SYT1: variants seen among roughly 807,000 people sequenced by gnomAD.
SYT1 encodes the protein synaptotagmin 1.
In SYT1, 8 loss-of-function variants were observed where a neutral mutation model predicts 44.8. The observed-to-expected ratio is 0.18, with a 90% CI of 0.10 to 0.32. SYT1 has a LOEUF of 0.32. Ranked by LOEUF, SYT1 falls within the 10% of genes least tolerant of loss-of-function variation. The probability of loss-of-function intolerance (pLI) is 1.00; values close to 1 mark genes in which losing one functional copy is unlikely to be tolerated. For missense variants in SYT1, 286 were observed against 509.3 expected, an observed-to-expected ratio of 0.56 and a Z score of 4.22; for synonymous variants, 154 against 188.8, an observed-to-expected ratio of 0.82 and a Z score of 1.51.
At chr12:78,920,210 G>A (rs189709438) in intron 1 of SYT1, among the ~76,000 whole-genome samples, 2 of 151,978 alleles carry the variant, frequency 1.3e-5, no homozygotes, top group East Asian at 1.9e-4. Context: ...CTATAATTAG[G>A]TTAATAATGT....
intron 1 of SYT1, among the ~76,000 whole-genome samples, chr12:78,961,537 T>C (rs1403884448): frequency 6.6e-6 from 1 of 152,134 alleles, no homozygotes; most frequent in East Asian, 1.9e-4. Flanking sequence ...TTTTTGTCTT[T>C]GTAGAAGGAG....
intron 3 of SYT1, among the ~76,000 whole-genome samples, chr12:79,211,979 G>A (rs1874487067): frequency 6.6e-6 from 1 of 152,124 alleles, no homozygotes; most frequent in Non-Finnish European, 1.5e-5. Flanking sequence ...TTAATTTGCA[G>A]TTCTTTATTT....
intron 9 of SYT1, among the ~76,000 whole-genome samples, chr12:79,421,736 G>T (rs996430166): frequency 1.3e-4 from 19 of 150,940 alleles, no homozygotes. Flanking sequence ...TGTTGGTGGT[G>T]GTGGGTGTTT....
intron 9 of SYT1, among the ~76,000 whole-genome samples, chr12:79,374,441 A>G (rs1883912873): frequency 6.6e-6 from 1 of 152,246 alleles, no homozygotes; most frequent in Non-Finnish European, 1.5e-5. Flanking sequence ...CCAGAAGGAC[A>G]GATCATTGTT....
At chr12:78,917,777 C>T (rs1018583844) in intron 1 of SYT1, among the ~76,000 whole-genome samples, 4 of 151,880 alleles carry the variant, frequency 2.6e-5, no homozygotes, top group African/African-American at 4.8e-5. Context: ...TTAAGGTTGA[C>T]GAGAATTGGG....
chr12:79,276,011 A>G (rs1274532264), intron 4 of SYT1, among the ~76,000 whole-genome samples: 1 of 152,200 alleles, frequency 6.6e-6, no homozygotes, highest in Non-Finnish European at 1.5e-5. Flanking sequence ...ACCCAGAGCC[A>G]AAGCTAGTCA....
At chr12:79,130,633 C>G (rs1343917611) in intron 3 of SYT1, among the ~76,000 whole-genome samples, 2 of 152,216 alleles carry the variant, frequency 1.3e-5, no homozygotes, top group African/African-American at 4.8e-5. Flanking sequence ...TCAGTTCTAA[C>G]TTCAACCCAT....
intron 4 of SYT1, among the ~76,000 whole-genome samples, chr12:79,282,827 A>C (rs974436816): frequency 5.9e-5 from 9 of 151,978 alleles, no homozygotes; most frequent in Non-Finnish European, 1.2e-4. Context: ...GCTGCAAAGA[A>C]TAAATAAGAT....
chr12:79,198,040 A>G (rs888713778), intron 3 of SYT1, among the ~76,000 whole-genome samples: 3 of 152,182 alleles, frequency 2.0e-5, no homozygotes, highest in Non-Finnish European at 4.4e-5. Context: ...AACAGAAAAG[A>G]ATTCACATTA....
intron 9 of SYT1, among the ~76,000 whole-genome samples, chr12:79,354,228 A>T (rs1027349731): frequency 2.0e-5 from 3 of 152,234 alleles, no homozygotes; most frequent in Admixed American, 1.3e-4. Flanking sequence ...ACCCTGGCTC[A>T]AAAGCAAAGT....
intron 1 of SYT1, among the ~76,000 whole-genome samples, chr12:78,869,797 C>G (rs543803413): frequency 6.6e-6 from 1 of 152,068 alleles, no homozygotes; most frequent in South Asian, 2.1e-4. Context: ...GCCTTAAGTT[C>G]TGATTGCTGA....
chr12:78,917,180 C>T (rs1402190516), intron 1 of SYT1, among the ~76,000 whole-genome samples: 1 of 152,020 alleles, frequency 6.6e-6, no homozygotes, highest in East Asian at 1.9e-4. Flanking sequence ...ACCAATAGCT[C>T]AATCCCTTGT....
At chr12:79,409,980 G>A (rs917648884) in intron 9 of SYT1, among the ~76,000 whole-genome samples, 9 of 152,044 alleles carry the variant, frequency 5.9e-5, no homozygotes, top group African/African-American at 2.2e-4. Context: ...ACTTTTGGGG[G>A]TGGGAGGAAT....
intron 8 of SYT1, among the ~76,000 whole-genome samples, chr12:79,330,676 A>G (rs568453115): frequency 9.8e-5 from 15 of 152,320 alleles, no homozygotes; most frequent in Admixed American, 2.0e-4. Flanking sequence ...GTTGACATTG[A>G]CTAACATTTA....
intron 3 of SYT1, among the ~76,000 whole-genome samples, chr12:79,115,557 A>C (rs1879232267): frequency 6.6e-6 from 1 of 152,180 alleles, no homozygotes; most frequent in African/African-American, 2.4e-5. Flanking sequence ...CTACCTAGAC[A>C]AATTTTTAAC....
At chr12:79,263,519 T>C (rs79056715) in intron 4 of SYT1, among the ~76,000 whole-genome samples, 1,672 of 152,148 alleles carry the variant, frequency 0.011, 30 homozygotes, top group African/African-American at 0.037. Context: ...TCTACTGTAG[T>C]TTTTCAAAAA....
At chr12:79,176,289 C>CAAA (rs11389898) in intron 3 of SYT1, among the ~76,000 whole-genome samples, 2 of 139,222 alleles carry the variant, frequency 1.4e-5, no homozygotes, top group Non-Finnish European at 3.1e-5. Flanking sequence ...AATTCTGTCT[C>CAAA]AAAAAAAAAA....
intron 3 of SYT1, among the ~76,000 whole-genome samples, chr12:79,057,399 A>G (rs924692088): frequency 1.3e-5 from 2 of 151,766 alleles, no homozygotes; most frequent in African/African-American, 4.9e-5. Context: ...TCTAACTCAT[A>G]TGACCCCCCC....
chr12:79,244,958 T>C (rs1319343648), intron 4 of SYT1, among the ~76,000 whole-genome samples: 1 of 152,114 alleles, frequency 6.6e-6, no homozygotes, highest in Admixed American at 6.5e-5. Context: ...TCTTGGCAAG[T>C]AAATGCAATT....
Sources: gnomAD v4.1 joint callset for allele counts (sites outside exome capture counted in the v4.1 genomes callset) on GRCh38, gnomAD v4.1.1 for gene constraint, MANE v1.5 for transcripts, NCBI Gene and HGNC (gene_info 2026-07-23, HGNC 2026-07-21) for gene names.